Variants in CEP43 observed in about 807,000 individuals in gnomAD.
CEP43 encodes the protein FGFR1 oncogene partner.
In CEP43, 36 loss-of-function variants were observed where a neutral mutation model predicts 52.6. The ratio of observed to expected loss-of-function variants is 0.68; its 90% CI spans 0.52 to 0.90. The LOEUF (loss-of-function observed/expected upper bound fraction) is 0.90, where lower values mean the gene tolerates loss of function less well. Among genes scored for constraint, CEP43 ranks in the 40% least tolerant of loss-of-function variants. CEP43 has a pLI of 0.00. For synonymous variants in CEP43, 192 were observed against 172.4 expected (o/e 1.11, Z -0.89); for missense variants, 506 against 472.8 (o/e 1.07, Z -0.65).
chr6:167,037,183 A>G (rs780716207), intron 12 of CEP43, among the ~76,000 whole-genome samples: 3 of 152,206 alleles, frequency 2.0e-5, no homozygotes, highest in African/African-American at 7.2e-5. Flanking sequence ...ACTACTTTAA[A>G]TGAAACTGTT....
At position 167,041,471 on chromosome 6, in the gene CEP43, C is replaced by G. The variant is rs1446737972; in HGVS notation, c.*1493C>G. On this transcript the variant is annotated 3_prime_UTR_variant, in exon 13 of 13. Transcript: ENST00000366847. ...CTCTTCATGTCTTAGTAAACAGCAC[C>G]ACGTGCAGATGTAATCTTGTTGCAG... 1.9e-6 allele frequency: 2 copies of G among 1,059,340 alleles called. No homozygotes were observed. Among genetic ancestry groups the G allele is most frequent in the East Asian group, 1.0e-4 (2 of 19,384 alleles). The allele number at this position is 1,059,340 out of a possible 1,614,324, so 65.6% of individuals were successfully genotyped here.
intron 6 of CEP43, among the ~76,000 whole-genome samples, chr6:167,012,369 T>A (rs3798310): frequency 0.02 from 3,078 of 150,442 alleles, 53 homozygotes; most frequent in East Asian, 0.11. Context: ...TTTTTAAAAT[T>A]TTTTTTTTCC....
Position 167,040,078 on chromosome 6 carries a change from A to G in CEP43, c.*100A>G, listed in dbSNP as rs774659448. 59 of 1,609,416 alleles carry G rather than the reference A, an allele frequency of 3.7e-5. No homozygotes were observed. Among genetic ancestry groups the G allele is most frequent in the Non-Finnish European group, 4.6e-5 (54 of 1,177,978 alleles). ...CACTCAGCTGGAATGTCTGCTCTCT[A>G]TTGGTGCCTTGCATTTCAAAAACAC... On this transcript the variant is annotated 3_prime_UTR_variant, in exon 13 of 13. Coordinates refer to ENST00000366847, the MANE Select transcript of CEP43 (RefSeq NM_007045.4).
intron 7 of CEP43, among the ~76,000 whole-genome samples, chr6:167,016,067 G>GA (rs928067817): frequency 7.5e-4 from 107 of 141,896 alleles, no homozygotes; most frequent in Middle Eastern, 3.6e-3. Context: ...TAATTGTTTG[G>GA]AAAAAAAAAA....
In CEP43 at chr6:167,045,392, G is replaced by C. The variant is rs1272551034; in HGVS notation, c.*5414G>C. 1 of 150,450 alleles carries C rather than the reference G, an allele frequency of 6.6e-6. No homozygotes were observed. Among genetic ancestry groups the C allele is most frequent in the Non-Finnish European group, 1.5e-5 (1 of 67,676 alleles). The allele number at this position is 150,450 out of a possible 1,614,324, so 9.3% of individuals were successfully genotyped here. ...CGCGGCCCAGCCTCCCAAAGTGCTG[G>C]GATTACAGGCATGAGCCACTGTACC... On this transcript the variant is annotated 3_prime_UTR_variant, in exon 13 of 13. Transcript: ENST00000366847.
Position 167,003,723 on chromosome 6 carries a change from G to T in CEP43, c.212G>T (p.Gly71Val). The T allele has an allele frequency of 6.2e-7, 1 of 1,603,732 alleles. No individual in the cohort carries two copies. The highest frequency in any genetic ancestry group is 8.5e-7 in the Non-Finnish European group (1 of 1,172,034). ...CTTACCTTTTTCTTGATCTTTATAG[G>T]TCGTTTAGTGGCTAGTCTTGTTGCA... ...SLKKFLNTKD[G>V]RLVASLVAEF... Residue 71 changes from glycine to valine, a missense_variant and splice_region_variant, in exon 4 of 13, where the codon GGT (glycine) becomes GTT (valine). Gly to Val is a moderately radical substitution (Grantham distance 109). Coordinates refer to ENST00000366847, the MANE Select transcript of CEP43 (RefSeq NM_007045.4).
At position 167,044,706 on chromosome 6, in the gene CEP43, CT is replaced by C. The variant is rs1780765161; in HGVS notation, c.*4731del. The C allele has an allele frequency of 3.3e-6, 1 of 299,754 alleles. No individual in the cohort carries two copies. Among genetic ancestry groups the C allele is most frequent in the Admixed American group, 6.5e-5 (1 of 15,444 alleles). 18.6% of individuals were successfully genotyped at this position (299,754 alleles called of 1,614,324 possible). On this transcript the variant is annotated 3_prime_UTR_variant, in exon 13 of 13. Transcript: ENST00000366847. ...CGAGCTGGCCCCTCGTGTCATCCGA[CT>C]TTGCGTTGTGGCCCTGCCTGCAGAA...
rs1007424724 is a variant in CEP43, at chr6:167,050,601, C to G, written c.*10623C>G. The stretch of plus-strand genomic sequence containing the variant: ...AGACCAGCGTGGCTAACATGGAGAA[C>G]TCCTGTCTCTACTAAAAATACAAAA... On this transcript the variant is annotated 3_prime_UTR_variant, in exon 13 of 13. Coordinates refer to ENST00000366847, the MANE Select transcript of CEP43 (RefSeq NM_007045.4). 8 of 151,836 alleles carry G rather than the reference C, an allele frequency of 5.3e-5. No homozygotes were observed. Among genetic ancestry groups the G allele is most frequent in the African/African-American group, 1.9e-4 (8 of 41,266 alleles). 9.4% of individuals were successfully genotyped at this position (151,836 alleles called of 1,614,324 possible).
chr6:167,009,966 C>T (rs1779950738), intron 5 of CEP43, among the ~76,000 whole-genome samples: 1 of 152,146 alleles, frequency 6.6e-6, no homozygotes, highest in Non-Finnish European at 1.5e-5. Context: ...AAAAGAAAAG[C>T]TCTCAAAGGC....
rs571047602 is a variant in CEP43 at position 167,052,271 on chromosome 6, C to A, written c.*12293C>A. 2.6e-5 allele frequency: 4 copies of A among 152,122 alleles called. No homozygotes were observed. The highest frequency in any genetic ancestry group is 7.2e-5 in the African/African-American group (3 of 41,492). The allele number at this position is 152,122 out of a possible 1,614,324, so 9.4% of individuals were successfully genotyped here. On this transcript the variant is annotated 3_prime_UTR_variant, in exon 13 of 13. Transcript: ENST00000366847. Reference sequence around the variant, plus strand: ...TTACTACCTCTGTATATGTTACAAGCCCAAGAATACTATTCTACTTATTTA... The same window carrying A: ...TTACTACCTCTGTATATGTTACAAGACCAAGAATACTATTCTACTTATTTA...
At chr6:167,017,261 C>T (rs1780122949) in intron 7 of CEP43, among the ~76,000 whole-genome samples, 1 of 152,102 alleles carries the variant, frequency 6.6e-6, no homozygotes, top group Non-Finnish European at 1.5e-5. Flanking sequence ...TCCCAAAGTG[C>T]TGGGATTACA....
chr6:167,029,659 TG>T (rs1562531822), intron 10 of CEP43, among the ~76,000 whole-genome samples: 2 of 152,238 alleles, frequency 1.3e-5, no homozygotes, highest in Non-Finnish European at 2.9e-5. Context: ...GAATCTGATG[TG>T]TTATAGCACA....
In CEP43 at chr6:167,044,470, T is replaced by G. The variant is rs745692737; in HGVS notation, c.*4492T>G. The G allele has an allele frequency of 1.4e-4, 135 of 985,184 alleles. No individual in the cohort carries two copies. The highest frequency in any genetic ancestry group is 1.6e-4 in the Non-Finnish European group (129 of 829,890). The allele number at this position is 985,184 out of a possible 1,614,324, so 61.0% of individuals were successfully genotyped here. On this transcript the variant is annotated 3_prime_UTR_variant, in exon 13 of 13. Transcript: ENST00000366847. ...CAGAGGACCTCCAGGCTGACAAAGT[T>G]TCCCCGAGGAAGTCAGATTGGAAAA... is the stretch of plus-strand genomic sequence containing the variant.
At position 167,041,767 on chromosome 6, in the gene CEP43, A is replaced by AG. The variant is rs1216639149; in HGVS notation, c.*1792dup. 30 of 990,282 alleles carry AG rather than the reference A, an allele frequency of 3.0e-5. No homozygotes were observed. Among genetic ancestry groups the AG allele is most frequent in the African/African-American group, 7.1e-5 (4 of 56,284 alleles). The allele number at this position is 990,282 out of a possible 1,614,324, so 61.3% of individuals were successfully genotyped here. Reference sequence around the variant, plus strand: ...ATCAGACCTTTTGATAATATTTGGGAGGGTAAAAGAAATATGCCAAATATG... The same window carrying AG: ...ATCAGACCTTTTGATAATATTTGGGAGGGGTAAAAGAAATATGCCAAATATG... On this transcript the variant is annotated 3_prime_UTR_variant, in exon 13 of 13. Transcript: ENST00000366847.
In CEP43 at chr6:167,040,243, C is replaced by A; in HGVS notation, c.*265C>A. 1 of 1,513,920 alleles carries A rather than the reference C, an allele frequency of 6.6e-7. No individual in the cohort carries two copies. Among genetic ancestry groups the A allele is most frequent in the Non-Finnish European group, 8.8e-7 (1 of 1,139,388 alleles). The allele number at this position is 1,513,920 out of a possible 1,614,324, so 93.8% of individuals were successfully genotyped here. A position where few individuals can be genotyped will look rare whatever the true frequency, so the allele number is the denominator to read the frequency against. On this transcript the variant is annotated 3_prime_UTR_variant, in exon 13 of 13. Coordinates refer to ENST00000366847, the MANE Select transcript of CEP43 (RefSeq NM_007045.4). ...TGATTATCTACACTCAGTTTCATTACAGGGAAGGAACCCATGAAAACATCA... is the reference window on the plus strand; with the variant it reads ...TGATTATCTACACTCAGTTTCATTAAAGGGAAGGAACCCATGAAAACATCA...
rs1172169914 is a variant in CEP43 at position 167,023,682 on chromosome 6, A to G, written c.806+1047A>G. ...ATCACCAAGGAAGCAGGTCCTGCGC[A>G]CCTTGAGGCCAGAGCAGGGAGCTAG... is the stretch of plus-strand genomic sequence containing the variant. On this transcript the variant is annotated intron_variant, in intron 8 of 12. Transcript: ENST00000366847. 2.6e-5 allele frequency among the ~76,000 whole-genome samples: 4 copies of G among 152,154 alleles called. No homozygotes were observed. The East Asian group carries it at 7.7e-4, about 29-fold the overall frequency.
At position 167,040,565 on chromosome 6, in the gene CEP43, T is replaced by G. The variant is rs1401489820; in HGVS notation, c.*587T>G. 8 of 1,073,128 alleles carry G rather than the reference T, an allele frequency of 7.5e-6. No individual in the cohort carries two copies. The African/African-American group carries it at 1.3e-4, about 18-fold the overall frequency. The allele number at this position is 1,073,128 out of a possible 1,614,324, so 66.5% of individuals were successfully genotyped here. A position where few individuals can be genotyped will look rare whatever the true frequency, so the allele number is the denominator to read the frequency against. On this transcript the variant is annotated 3_prime_UTR_variant, in exon 13 of 13. Transcript: ENST00000366847. ...GACCATTAAGGTTATATTAAAGTAC[T>G]CTTGTGTGTGCTATTTAGTTTTGCT...
intron 5 of CEP43, among the ~76,000 whole-genome samples, chr6:167,009,294 C>T (rs1056103772): frequency 1.3e-5 from 2 of 150,100 alleles, no homozygotes; most frequent in African/African-American, 4.9e-5. Context: ...GAGGCTGAGG[C>T]GGGCGGATCA....
At position 167,037,101 on chromosome 6, in the gene CEP43, C is replaced by T. The variant is rs1020162858; in HGVS notation, c.1126-2803C>T. 2.0e-4 allele frequency among the ~76,000 whole-genome samples: 31 copies of T among 152,154 alleles called. 1 individual carries two copies. Among genetic ancestry groups the T allele is most frequent in the Admixed American group, 1.2e-3 (19 of 15,266 alleles). On this transcript the variant is annotated intron_variant, in intron 12 of 12. Coordinates refer to ENST00000366847, the MANE Select transcript of CEP43 (RefSeq NM_007045.4). The stretch of plus-strand genomic sequence containing the variant: ...GATTACAGGCGTGAGTCACTGTACC[C>T]GGCGGAAAGGCTTTATTAAATAGCC...
Sources: gnomAD v4.1 joint callset for allele counts (sites outside exome capture counted in the v4.1 genomes callset) on GRCh38, gnomAD v4.1.1 for gene constraint, MANE v1.5 for transcripts, NCBI Gene and HGNC (gene_info 2026-07-23, HGNC 2026-07-21) for gene names.